PRLR: variants seen among roughly 807,000 people sequenced by gnomAD.
PRLR encodes the protein prolactin receptor, also known as hPRL receptor.
In PRLR, 13 loss-of-function variants were observed where a neutral mutation model predicts 40.2. That is an observed-to-expected ratio of 0.32 (90% CI 0.21 to 0.51). The LOEUF (loss-of-function observed/expected upper bound fraction) is 0.51. Ranked by LOEUF, PRLR falls within the 20% of genes least tolerant of loss-of-function variation. The pLI is 0.97. For synonymous variants in PRLR, 269 were observed against 278.7 expected (o/e 0.97, Z 0.35); for missense variants, 656 against 747.3 (o/e 0.88, Z 1.42).
chr5:35,153,913 T>G (rs1774413284), intron 1 of PRLR, among the ~76,000 whole-genome samples: 1 of 152,178 alleles, frequency 6.6e-6, no homozygotes, highest in East Asian at 1.9e-4. Flanking sequence ...TTGCCTTATT[T>G]GCAGCAAAGT....
rs184010899 is a variant in PRLR at position 35,085,056 on chromosome 5, C to T, written c.204-417G>A. ...CATGCACAATGCAGCAGCTATTTCA[C>T]ATACGTGTTGAATTACTTTTCGTTT... is the stretch of plus-strand genomic sequence containing the variant. On this transcript the variant is annotated intron_variant, in intron 4 of 9. Transcript: ENST00000618457. Among the ~76,000 whole-genome samples the T allele has an allele frequency of 3.5e-3, 526 of 152,308 alleles. 4 individuals carry two copies. Among genetic ancestry groups the T allele is most frequent in the Non-Finnish European group, 4.5e-3 (307 of 68,030 alleles).
At chr5:35,094,717 C>T (rs1193307725) in intron 2 of PRLR, among the ~76,000 whole-genome samples, 11 of 152,072 alleles carry the variant, frequency 7.2e-5, no homozygotes, top group Non-Finnish European at 1.5e-4. Flanking sequence ...GTCCTTGGCC[C>T]ACTGGGTTTC....
intron 1 of PRLR, among the ~76,000 whole-genome samples, chr5:35,180,716 C>T: frequency 6.6e-6 from 1 of 151,684 alleles, no homozygotes; most frequent in African/African-American, 2.4e-5. Context: ...GGTATATCTC[C>T]TAATGCTATC....
chr5:35,133,412 G>C (rs1773748792), intron 1 of PRLR, among the ~76,000 whole-genome samples: 1 of 152,144 alleles, frequency 6.6e-6, no homozygotes, highest in Non-Finnish European at 1.5e-5. Context: ...GTGAGTCAGA[G>C]ACCAAAGCAG....
intron 1 of PRLR, among the ~76,000 whole-genome samples, chr5:35,152,472 A>T (rs929681954): frequency 6.6e-6 from 1 of 152,136 alleles, no homozygotes; most frequent in Non-Finnish European, 1.5e-5. Flanking sequence ...CCCACCTTCA[A>T]ATCATCACAA....
At chr5:35,115,334 TA>T (rs1323818018) in intron 2 of PRLR, among the ~76,000 whole-genome samples, 5 of 152,172 alleles carry the variant, frequency 3.3e-5, no homozygotes, top group African/African-American at 1.2e-4. Flanking sequence ...GACAATCTCA[TA>T]AACAAATTGC....
At position 35,065,812 on chromosome 5, in the gene PRLR, C is replaced by T. The variant is rs756809236; in HGVS notation, c.1146G>A (p.Lys382=). ...STFYDPEVIE[K]PENPETTHTW... ...TGTGGGTTGTTTCAGGATTCTCTGG[C>T]TTCTCAATGACCTCAGGATCATAGA... The change falls in exon 10 of 10, where the codon AAG becomes AAA. Residue 382 remains lysine (K), a synonymous_variant. Transcript: ENST00000618457. 13 of 1,614,152 alleles carry T rather than the reference C, an allele frequency of 8.1e-6. No homozygotes were observed. In the South Asian group the frequency reaches 1.2e-4, roughly 15 times the overall value.
chr5:35,204,315 G>A (rs1211671027), intron 1 of PRLR, among the ~76,000 whole-genome samples: 1 of 151,972 alleles, frequency 6.6e-6, no homozygotes, highest in Non-Finnish European at 1.5e-5. Context: ...AAAGTATCCT[G>A]GCCTGAGAGT....
At chr5:35,093,616 G>A (rs1357663067) in intron 2 of PRLR, among the ~76,000 whole-genome samples, 1 of 152,184 alleles carries the variant, frequency 6.6e-6, no homozygotes, top group Non-Finnish European at 1.5e-5. Context: ...GGATTCTGAG[G>A]TTCTTTTTAG....
chr5:35,118,175 C>T (rs996809293), intron 1 of PRLR, 53 bp from the exon 2 acceptor site: 28 of 909,942 alleles, frequency 3.1e-5, no homozygotes, highest in Non-Finnish European at 3.7e-5. Context: ...CGGGAGATTC[C>T]ATTTCTGGCT....
intron 1 of PRLR, among the ~76,000 whole-genome samples, chr5:35,143,646 A>G (rs1282612489): frequency 1.3e-5 from 2 of 152,206 alleles, no homozygotes; most frequent in African/African-American, 4.8e-5. Context: ...AATGCTTATA[A>G]CAATGACTGA....
chr5:35,078,176 C>G (rs1770243175), intron 5 of PRLR, among the ~76,000 whole-genome samples: 1 of 152,068 alleles, frequency 6.6e-6, no homozygotes, highest in Non-Finnish European at 1.5e-5. Flanking sequence ...CATTCAAAAG[C>G]TAGCAGAAGG....
In PRLR at chr5:35,204,394, G is replaced by C. The variant is rs536361181; in HGVS notation, c.-106+25874C>G. On this transcript the variant is annotated intron_variant, in intron 1 of 9. Coordinates refer to ENST00000618457, the MANE Select transcript of PRLR (RefSeq NM_000949.7). ...GCATCTTATGATGAGGATGGGGATGGGCCGCTTTCCTAAGGGAGCAGGGCT... is the reference window on the plus strand; with the variant it reads ...GCATCTTATGATGAGGATGGGGATGCGCCGCTTTCCTAAGGGAGCAGGGCT... Among the ~76,000 whole-genome samples the C allele has an allele frequency of 1.3e-4, 19 of 150,970 alleles. No homozygotes were observed. In the South Asian group the frequency reaches 3.7e-3, roughly 30 times the overall value.
At chr5:35,159,878 T>G (rs907913014) in intron 1 of PRLR, among the ~76,000 whole-genome samples, 1 of 152,242 alleles carries the variant, frequency 6.6e-6, no homozygotes, top group African/African-American at 2.4e-5. Flanking sequence ...TTCTCTTCAG[T>G]CCTTTTCTAA....
intron 1 of PRLR, among the ~76,000 whole-genome samples, chr5:35,133,019 T>C (rs1402424822): frequency 2.0e-5 from 3 of 152,174 alleles, no homozygotes; most frequent in Admixed American, 1.3e-4. Context: ...AACAAAAACA[T>C]GGAAGGGGTG....
At chr5:35,089,939 C>A (rs60498046) in intron 2 of PRLR, among the ~76,000 whole-genome samples, 149 of 152,238 alleles carry the variant, frequency 9.8e-4, no homozygotes, top group African/African-American at 3.3e-3. Flanking sequence ...TTTGCACACA[C>A]CCCAGAGAAA....
intron 1 of PRLR, among the ~76,000 whole-genome samples, chr5:35,219,092 G>T (rs1306586158): frequency 6.6e-6 from 1 of 152,140 alleles, no homozygotes; most frequent in Non-Finnish European, 1.5e-5. Flanking sequence ...GGCCTTCCTG[G>T]AGGGGGGTTG....
At chr5:35,167,153 C>A (rs1245972778) in intron 1 of PRLR, among the ~76,000 whole-genome samples, 1 of 150,726 alleles carries the variant, frequency 6.6e-6, no homozygotes, top group Non-Finnish European at 1.5e-5. Flanking sequence ...ATCTATCTAT[C>A]TATCTATCTA....
At chr5:35,152,794 T>C (rs1166607625) in intron 1 of PRLR, 2 of 152,184 alleles carry the variant, frequency 1.3e-5, no homozygotes, top group African/African-American at 4.8e-5. Flanking sequence ...AACCATCCTC[T>C]GAAGACAGTG....
Sources: gnomAD v4.1 joint callset for allele counts (sites outside exome capture counted in the v4.1 genomes callset) on GRCh38, gnomAD v4.1.1 for gene constraint, MANE v1.5 for transcripts, NCBI Gene and HGNC (gene_info 2026-07-23, HGNC 2026-07-21) for gene names.